Variants in SCN9A observed in about 807,000 individuals in gnomAD.
SCN9A encodes the protein sodium channel protein type 9 subunit alpha.
SCN9A carries 131 observed loss-of-function variants against 187.0 expected under a neutral mutation model. That is an observed-to-expected ratio of 0.70 (90% CI 0.61 to 0.81). SCN9A has a LOEUF of 0.81. SCN9A is among the 30% of genes least tolerant of loss of function. SCN9A has a pLI of 0.00. For missense variants in SCN9A, 2,252 were observed against 2,396.6 expected (o/e 0.94, Z 1.26); for synonymous variants, 809 against 808.6 (o/e 1.00, Z -0.01).
At chr2:166,355,357 T>TA (rs914222532) in intron 1 of SCN9A, among the ~76,000 whole-genome samples, 42 of 151,726 alleles carry the variant, frequency 2.8e-4, no homozygotes, top group South Asian at 8.3e-4. Flanking sequence ...TATAGTCATT[T>TA]AAAAAAAAAC....
intron 1 of SCN9A, among the ~76,000 whole-genome samples, chr2:166,334,638 C>T (rs1013894863): frequency 3.9e-5 from 6 of 152,020 alleles, no homozygotes; most frequent in Admixed American, 3.3e-4. Context: ...ATTTTTCCCC[C>T]AAATTGTGAT....
intron 1 of SCN9A, among the ~76,000 whole-genome samples, chr2:166,371,667 C>G (rs1219527915): frequency 2.0e-5 from 3 of 151,982 alleles, no homozygotes; most frequent in African/African-American, 7.3e-5. Context: ...TTAATATGAC[C>G]TTGCCTCTCA....
At chr2:166,228,663 C>A in intron 22 of SCN9A, 28 bp downstream of exon 22, 2 of 1,559,914 alleles carry the variant, frequency 1.3e-6, no homozygotes, top group Non-Finnish European at 1.8e-6. Context: ...TATTAAAATA[C>A]CAAGCACTCA....
chr2:166,361,535 T>C (rs1371486894), intron 1 of SCN9A, among the ~76,000 whole-genome samples: 1 of 152,128 alleles, frequency 6.6e-6, no homozygotes, highest in African/African-American at 2.4e-5. Context: ...TTCAAGGTTA[T>C]ATAAATTCTT....
intron 1 of SCN9A, among the ~76,000 whole-genome samples, chr2:166,346,223 G>GTATATGTATTACATCA (rs1699897631): frequency 6.6e-6 from 1 of 152,128 alleles, no homozygotes; most frequent in East Asian, 1.9e-4. Context: ...AAAGACCATA[G>GTATATGTATTACATCA]GCCATAAAAA....
At chr2:166,318,700 A>G (rs1699167606) in intron 1 of SCN9A, among the ~76,000 whole-genome samples, 1 of 152,152 alleles carries the variant, frequency 6.6e-6, no homozygotes. Context: ...GTTACCTTTT[A>G]CTTTACCCAA....
chr2:166,252,580 A>G (rs1310746313), intron 17 of SCN9A, among the ~76,000 whole-genome samples: 4 of 152,060 alleles, frequency 2.6e-5, no homozygotes, highest in South Asian at 2.1e-4. Flanking sequence ...AGTATTATTT[A>G]TAATGTCAAG....
At chr2:166,345,466 T>A (rs35911982) in intron 1 of SCN9A, among the ~76,000 whole-genome samples, 31,102 of 151,806 alleles carry the variant, frequency 0.2, 3,960 homozygotes, top group African/African-American at 0.36. Context: ...TAAGCTTATA[T>A]CCGCCTCTTT....
chr2:166,360,236 G>GAA lies in SCN9A; in HGVS notation c.-51+15459_-51+15460dup, dbSNP rs79741845. Among the ~76,000 whole-genome samples the GAA allele has an allele frequency of 2.5e-4, 11 of 43,840 alleles. No homozygotes were observed. In the East Asian group the frequency reaches 2.8e-3, roughly 11 times the overall value. The allele number at this position is 43,840 out of a possible 152,430, so 28.8% of individuals were successfully genotyped here. On this transcript the variant is annotated intron_variant, in intron 1 of 26. Transcript: ENST00000642356. The stretch of plus-strand genomic sequence containing the variant: ...CTCTGTCTCAAAAAAAAAAAAAAAA[G>GAA]AAAAAAAAAAAAAGAAATTAAAGTT...
chr2:166,345,516 A>G (rs1699879307), intron 1 of SCN9A, among the ~76,000 whole-genome samples: 1 of 145,394 alleles, frequency 6.9e-6, no homozygotes. Context: ...TGCTCTTGAA[A>G]AAAAGTAACA....
intron 17 of SCN9A, among the ~76,000 whole-genome samples, chr2:166,257,300 C>G (rs760312118): frequency 2.0e-5 from 3 of 151,052 alleles, no homozygotes; most frequent in Admixed American, 6.6e-5. Context: ...AGTGTAGATA[C>G]GCAGACTCAA....
At chr2:166,231,407 T>C (rs1695077764) in intron 21 of SCN9A, among the ~76,000 whole-genome samples, 1 of 152,140 alleles carries the variant, frequency 6.6e-6, no homozygotes, top group Admixed American at 6.6e-5. Context: ...GCAGTCATAA[T>C]TAGGTTTGTA....
chr2:166,306,940 A>G lies in SCN9A; in HGVS notation c.377+16T>C. 1 of 1,431,188 alleles carries G rather than the reference A, an allele frequency of 7.0e-7. No individual in the cohort carries two copies. The highest frequency in any genetic ancestry group is 9.8e-7 in the Non-Finnish European group (1 of 1,022,126). 88.7% of individuals were successfully genotyped at this position (1,431,188 alleles called of 1,614,324 possible). A position where few individuals can be genotyped will look rare whatever the true frequency, so the allele number is the denominator to read the frequency against. On this transcript the variant is annotated intron_variant, in intron 3 of 26. Coordinates refer to ENST00000642356, the MANE Select transcript of SCN9A (RefSeq NM_001365536.1). ...CCATAAAGTGCCACTGGATGTAATCATTTTTAAAAGGATATGAGTGTACTA... is the reference window on the plus strand; with the variant it reads ...CCATAAAGTGCCACTGGATGTAATCGTTTTTAAAAGGATATGAGTGTACTA...
intron 1 of SCN9A, among the ~76,000 whole-genome samples, chr2:166,337,400 T>C (rs1344555250): frequency 6.6e-6 from 1 of 152,096 alleles, no homozygotes; most frequent in Non-Finnish European, 1.5e-5. Flanking sequence ...CTAACCATGT[T>C]ACTCTGGAAC....
chr2:166,289,157 A>G (rs996745635), intron 9 of SCN9A, among the ~76,000 whole-genome samples: 9 of 151,712 alleles, frequency 5.9e-5, no homozygotes, highest in African/African-American at 2.2e-4. Flanking sequence ...TTTTTTTCAA[A>G]ATAGTTTTAG....
chr2:166,203,511 T>A (rs1385254483), intron 26 of SCN9A, among the ~76,000 whole-genome samples: 1 of 151,904 alleles, frequency 6.6e-6, no homozygotes, highest in Admixed American at 6.6e-5. Context: ...TTTCTAGAGA[T>A]CTTAACTTCA....
chr2:166,341,966 T>TA (rs1699796471), intron 1 of SCN9A, among the ~76,000 whole-genome samples: 1 of 152,200 alleles, frequency 6.6e-6, no homozygotes, highest in Admixed American at 6.5e-5. Context: ...TTTGTAAGCA[T>TA]ACTTGCAGAA....
In SCN9A at chr2:166,281,766, A is replaced by G. The variant is rs772877752; in HGVS notation, c.2017T>C (p.Tyr673His). The change falls in exon 13 of 27, where the codon TAT (tyrosine) becomes CAT (histidine). Residue 673 changes from tyrosine to histidine, a missense_variant. Physicochemically the swap from Tyr to His is moderately conservative, Grantham distance 83. Coordinates refer to ENST00000642356, the MANE Select transcript of SCN9A (RefSeq NM_001365536.1). ...QIHKKRRCSS[Y>H]LLSEDMLNDP... ...TTCAGCATATCCTCTGAAAGGAGATAGGAACTACAACGCCTTTTCTTGTGT... is the reference window on the plus strand; with the variant it reads ...TTCAGCATATCCTCTGAAAGGAGATGGGAACTACAACGCCTTTTCTTGTGT... 1.2e-6 allele frequency: 2 copies of G among 1,613,330 alleles called. No individual in the cohort carries two copies. Among genetic ancestry groups the G allele is most frequent in the South Asian group, 1.1e-5 (1 of 91,052 alleles).
chr2:166,230,934 C>T (rs1476772765), intron 21 of SCN9A, among the ~76,000 whole-genome samples: 2 of 152,160 alleles, frequency 1.3e-5, no homozygotes, highest in African/African-American at 2.4e-5. Flanking sequence ...CTCAAACAAG[C>T]TGACTACAAT....
Sources: gnomAD v4.1 joint callset for allele counts (sites outside exome capture counted in the v4.1 genomes callset) on GRCh38, gnomAD v4.1.1 for gene constraint, MANE v1.5 for transcripts, NCBI Gene and HGNC (gene_info 2026-07-23, HGNC 2026-07-21) for gene names.